The following RAI1 variants were observed in gnomAD, a reference collection of about 807,000 sequenced individuals.
RAI1 encodes retinoic acid induced 1, also known as retinoic acid-induced protein 1.
RAI1 carries 9 observed loss-of-function variants against 123.8 expected under a neutral mutation model. The ratio of observed to expected loss-of-function variants is 0.07; its 90% confidence interval spans 0.04 to 0.13. The LOEUF (loss-of-function observed/expected upper bound fraction) is 0.13. Ranked by LOEUF, RAI1 falls within the 10% of genes least tolerant of loss-of-function variation. The pLI is 1.00. For missense variants in RAI1, 2,256 were observed against 2,545.8 expected, an observed-to-expected ratio of 0.89 and a Z score of 2.45; for synonymous variants, 1,231 against 1,127.3, an observed-to-expected ratio of 1.09 and a Z score of -1.84.
Position 17,793,244 on chromosome 17 carries a change from G to C in RAI1, c.296G>C (p.Gly99Ala). The C allele has an allele frequency of 6.2e-7, 1 of 1,611,572 alleles. No homozygotes were observed. The highest frequency in any genetic ancestry group is 8.5e-7 in the Non-Finnish European group (1 of 1,179,242). ...CTGCAGGGGAGGCCGGCTTTCCCTG[G>C]CTACGGCGTCCAGGACAGCAGCCCC... is the stretch of plus-strand genomic sequence containing the variant. Reference protein sequence around the residue: ...QGLQGRPAFPGYGVQDSSPYP... With the variant: ...QGLQGRPAFPAYGVQDSSPYP... Residue 99 changes from glycine (G) to alanine (A), a missense_variant, in exon 3 of 6, where the codon GGC (glycine) becomes GCC (alanine). Transcript: ENST00000353383.
At chr17:17,753,417 C>T (rs1202687226) in intron 2 of RAI1, among the ~76,000 whole-genome samples, 1 of 152,186 alleles carries the variant, frequency 6.6e-6, no homozygotes, top group African/African-American at 2.4e-5. Flanking sequence ...GGCACTCCCA[C>T]AAAACAAAAG....
intron 2 of RAI1, chr17:17,759,236 A>T (rs1384406523): frequency 6.6e-6 from 1 of 152,240 alleles, no homozygotes; most frequent in African/African-American, 2.4e-5. Context: ...CTAGAGAAGA[A>T]GAAGCGGGCA....
chr17:17,759,173 TCCATCC>T (rs925159569), intron 2 of RAI1: 3 of 152,206 alleles, frequency 2.0e-5, no homozygotes, highest in African/African-American at 7.2e-5. Context: ...CTGCTGTATG[TCCATCC>T]CCACATGGGG....
At chr17:17,688,025 C>CAA (rs61049701) in intron 1 of RAI1, among the ~76,000 whole-genome samples, 6 of 90,072 alleles carry the variant, frequency 6.7e-5, no homozygotes, top group South Asian at 3.6e-4. Context: ...GACTCTGTCT[C>CAA]AAAAAAAAAA....
chr17:17,754,191 C>CTTT (rs1158475382), intron 2 of RAI1, among the ~76,000 whole-genome samples: 1,355 of 75,738 alleles, frequency 0.018, 133 homozygotes, highest in African/African-American at 0.061. Flanking sequence ...CTAACCCAAT[C>CTTT]TTTTTTTTTT....
intron 2 of RAI1, among the ~76,000 whole-genome samples, chr17:17,736,427 C>A (rs1049537851): frequency 1.3e-5 from 2 of 152,184 alleles, no homozygotes; most frequent in African/African-American, 4.8e-5. Flanking sequence ...AGCAGATGGC[C>A]GAGAGGTCCC....
rs1273003786 is a variant in RAI1 at position 17,801,946 on chromosome 17, T to C, written c.5566-1810T>C. The C allele has an allele frequency of 4.9e-6, 2 of 408,860 alleles. No individual in the cohort carries two copies. Among genetic ancestry groups the C allele is most frequent in the African/African-American group, 2.0e-5 (1 of 48,810 alleles). The allele number at this position is 408,860 out of a possible 1,614,324, so 25.3% of individuals were successfully genotyped here. A position where few individuals can be genotyped will look rare whatever the true frequency, so the allele number is the denominator to read the frequency against. On this transcript the variant is annotated intron_variant, in intron 3 of 5. Coordinates refer to ENST00000353383, the MANE Select transcript of RAI1 (RefSeq NM_030665.4). This position sits in a 1 kb window ranked among gnomAD's most constrained non-coding sequence, Gnocchi z 4.1. ...GAGGCTTCCAGCCATGCCTGGCACA[T>C]AGGAAGCTATTGTCGTTTGTTTCAC...
chr17:17,807,700 C>T (rs533765888), intron 4 of RAI1, among the ~76,000 whole-genome samples: 2 of 152,348 alleles, frequency 1.3e-5, no homozygotes, highest in Non-Finnish European at 2.9e-5. Context: ...TTGGAAGTGG[C>T]GACCTCCTAC....
rs918381985 is a variant in RAI1, at chr17:17,801,672, A to G, written c.5566-2084A>G. Among the ~76,000 whole-genome samples the G allele has an allele frequency of 6.6e-6, 1 of 152,170 alleles. No individual in the cohort carries two copies. Among genetic ancestry groups the G allele is most frequent in the Non-Finnish European group, 1.5e-5 (1 of 68,034 alleles). On this transcript the variant is annotated intron_variant, in intron 3 of 5. Coordinates refer to ENST00000353383, the MANE Select transcript of RAI1 (RefSeq NM_030665.4). This position sits in a 1 kb window ranked among gnomAD's most constrained non-coding sequence, Gnocchi z 4.1. ...TGAGCTGAAAACCTGAAATTCTAGAATAAACCCCAGGCCCCACTCCCAGCA... is the reference window on the plus strand; with the variant it reads ...TGAGCTGAAAACCTGAAATTCTAGAGTAAACCCCAGGCCCCACTCCCAGCA...
At chr17:17,791,114 G>A (rs2031996742) in intron 2 of RAI1, among the ~76,000 whole-genome samples, 1 of 152,204 alleles carries the variant, frequency 6.6e-6, no homozygotes, top group Non-Finnish European at 1.5e-5. Context: ...CGGTGGGCAG[G>A]GGCTCGCCTC....
At chr17:17,727,843 G>A (rs1344672159) in intron 2 of RAI1, among the ~76,000 whole-genome samples, 2 of 152,134 alleles carry the variant, frequency 1.3e-5, no homozygotes, top group African/African-American at 2.4e-5. Flanking sequence ...ATTCACCCCA[G>A]GAGACCCCCC....
intron 1 of RAI1, among the ~76,000 whole-genome samples, chr17:17,692,112 T>C (rs990191013): frequency 7.9e-5 from 12 of 152,216 alleles, no homozygotes; most frequent in African/African-American, 2.7e-4. Context: ...TGGAGCTGGC[T>C]TTGTTCCCTT....
chr17:17,689,050 G>C (rs1914750635), intron 1 of RAI1, among the ~76,000 whole-genome samples: 1 of 149,724 alleles, frequency 6.7e-6, no homozygotes, highest in Admixed American at 6.6e-5. Flanking sequence ...CTGCCCCCTG[G>C]GTTCAAGCAT....
Position 17,800,118 on chromosome 17 carries a change from T to TCTTCC in RAI1, c.5565+1608_5565+1612dup, listed in dbSNP as rs932664204. Among the ~76,000 whole-genome samples, 1 of 151,606 alleles carries TCTTCC rather than the reference T, an allele frequency of 6.6e-6. No homozygotes were observed. Among genetic ancestry groups the TCTTCC allele is most frequent in the Non-Finnish European group, 1.5e-5 (1 of 67,940 alleles). The stretch of plus-strand genomic sequence containing the variant: ...ACCCAGCAGATGGTGGCCTTGGGCC[T>TCTTCC]CTTCCCTCTCCCCTTCCCAGTTAGT... On this transcript the variant is annotated intron_variant, in intron 3 of 5. Transcript: ENST00000353383. This position sits in a 1 kb window ranked among gnomAD's most constrained non-coding sequence, Gnocchi z 4.7.
At chr17:17,705,645 A>T (rs1915368575) in intron 1 of RAI1, among the ~76,000 whole-genome samples, 1 of 151,812 alleles carries the variant, frequency 6.6e-6, no homozygotes, top group Non-Finnish European at 1.5e-5. Context: ...AGAATCGCTT[A>T]TACCCAGCGG....
intron 2 of RAI1, among the ~76,000 whole-genome samples, chr17:17,790,163 A>G (rs2031962237): frequency 6.6e-6 from 1 of 152,136 alleles, no homozygotes; most frequent in African/African-American, 2.4e-5. Context: ...TCATAATCAT[A>G]ATAATTAATA....
chr17:17,751,376 G>A (rs1249003646), intron 2 of RAI1, among the ~76,000 whole-genome samples: 2 of 152,236 alleles, frequency 1.3e-5, no homozygotes, highest in African/African-American at 4.8e-5. Context: ...TTTGCCCCTA[G>A]AGCTTGCCCA....
In RAI1 at chr17:17,706,433, AAG is replaced by A. The variant is rs561473016; in HGVS notation, c.-148-17593_-148-17592del. ...CAAGAGGCCAGCTGCTGAAGGGAGG[AAG>A]ACCAGGTAGGCAGCTGGGCCAAGGA... On this transcript the variant is annotated intron_variant, in intron 1 of 5. Coordinates refer to ENST00000353383, the MANE Select transcript of RAI1 (RefSeq NM_030665.4). Among the ~76,000 whole-genome samples, 644 of 152,276 alleles carry A rather than the reference AAG, an allele frequency of 4.2e-3. 3 individuals are homozygous for A. Among genetic ancestry groups the A allele is most frequent in the Non-Finnish European group, 5.9e-3 (398 of 68,022 alleles).
chr17:17,720,172 A>C (rs2142921796), intron 1 of RAI1, among the ~76,000 whole-genome samples: 1 of 152,244 alleles, frequency 6.6e-6, no homozygotes, highest in Non-Finnish European at 1.5e-5. Context: ...TCTGGTCAAC[A>C]GCTCCTGTTT....
Sources: allele counts gnomAD v4.1 joint callset (sites outside exome capture counted in the v4.1 genomes callset), GRCh38; gene constraint gnomAD v4.1.1; non-coding constraint Gnocchi (gnomAD v3.1); transcripts MANE v1.5; gene names NCBI Gene and HGNC (gene_info 2026-07-23, HGNC 2026-07-21).